The following SHLD2 variants were observed in gnomAD, a reference collection of about 807,000 sequenced individuals.
The protein encoded by SHLD2 is shieldin complex subunit 2, also known as RINN1-REV7-interacting novel NHEJ regulator 2.
In SHLD2, 30 loss-of-function variants were observed where a neutral mutation model predicts 73.2. That is an observed-to-expected ratio of 0.41 (90% CI 0.31 to 0.56). The LOEUF (loss-of-function observed/expected upper bound fraction) is 0.56, where lower values mean the gene tolerates loss of function less well. Ranked by LOEUF, SHLD2 falls within the 20% of genes least tolerant of loss-of-function variation. The pLI is 0.28. For missense variants in SHLD2, 745 were observed against 1,055.9 expected (o/e 0.71, Z 4.08); for synonymous variants, 285 against 370.1 (o/e 0.77, Z 2.64).
rs139763341 is a variant in SHLD2 at position 87,144,417 on chromosome 10, G to C, written c.-5-6933G>C. On this transcript the variant is annotated intron_variant, in intron 2 of 9. Coordinates refer to ENST00000298786, the MANE Select transcript of SHLD2 (RefSeq NM_001330112.2). ...CAAAGGAAATTAAAAGTTATGCAAAGAGAGTTGAGAAGTCAGTTGTCTGCT... is the reference window on the plus strand; with the variant it reads ...CAAAGGAAATTAAAAGTTATGCAAACAGAGTTGAGAAGTCAGTTGTCTGCT... 7.7e-3 allele frequency among the ~76,000 whole-genome samples: 1,166 copies of C among 152,268 alleles called. 16 individuals are homozygous for C. Among genetic ancestry groups the C allele is most frequent in the African/African-American group, 0.027 (1,121 of 41,542 alleles).
chr10:87,188,828 A>G (rs1848807969), intron 9 of SHLD2, among the ~76,000 whole-genome samples: 1 of 152,068 alleles, frequency 6.6e-6, no homozygotes, highest in Non-Finnish European at 1.5e-5. Flanking sequence ...TTTGATATTT[A>G]TTCAATTTTT....
At chr10:87,162,824 C>A (rs1846916541) in intron 4 of SHLD2, among the ~76,000 whole-genome samples, 1 of 152,154 alleles carries the variant, frequency 6.6e-6, no homozygotes, top group Non-Finnish European at 1.5e-5. Flanking sequence ...AAAAAAAGCA[C>A]ATTCTGTTGG....
intron 2 of SHLD2, among the ~76,000 whole-genome samples, chr10:87,134,905 C>T (rs544701633): frequency 6.6e-6 from 1 of 152,232 alleles, no homozygotes; most frequent in East Asian, 1.9e-4. Flanking sequence ...CAGGGCTGCA[C>T]GAGGGCACCT....
At chr10:87,149,154 C>T (rs189718661) in intron 2 of SHLD2, among the ~76,000 whole-genome samples, 3 of 151,788 alleles carry the variant, frequency 2.0e-5, no homozygotes, top group East Asian at 2.0e-4. Context: ...TCTCAAAGTG[C>T]GGGGATTACA....
chr10:87,128,379 C>T (rs1844189493), intron 2 of SHLD2, among the ~76,000 whole-genome samples: 1 of 152,204 alleles, frequency 6.6e-6, no homozygotes, highest in African/African-American at 2.4e-5. Context: ...CCTTCACTTA[C>T]TTTGTCAGTT....
Position 87,180,198 on chromosome 10 carries a change from A to G in SHLD2, c.2294A>G (p.Tyr765Cys), listed in dbSNP as rs1437918621. 1.2e-6 allele frequency: 2 copies of G among 1,612,828 alleles called. No individual in the cohort carries two copies. Among genetic ancestry groups the G allele is most frequent in the South Asian group, 1.1e-5 (1 of 91,042 alleles). ...TTTTCTTCTCTTCCCAACATCGTATATACTGGTTGTGCAAAATGTGGATTG... is the reference window on the plus strand; with the variant it reads ...TTTTCTTCTCTTCCCAACATCGTATGTACTGGTTGTGCAAAATGTGGATTG... ...SIFSSLPNIVYTGCAKCGLEL... is the reference protein window; with the variant it reads ...SIFSSLPNIVCTGCAKCGLEL... The change falls in exon 8 of 10, where the codon TAT (tyrosine) becomes TGT (cysteine). Residue 765 changes from tyrosine (Y) to cysteine (C), a missense_variant. By Grantham distance (194) the Tyr-to-Cys change is radical (BLOSUM62 -2). Coordinates refer to ENST00000298786, the MANE Select transcript of SHLD2 (RefSeq NM_001330112.2).
chr10:87,151,800 A>G lies in SHLD2; in HGVS notation c.446A>G (p.Asp149Gly), dbSNP rs1291870046. 6.2e-7 allele frequency: 1 copy of G among 1,611,846 alleles called. No individual in the cohort carries two copies. The highest frequency in any genetic ancestry group is 1.3e-5 in the African/African-American group (1 of 74,858). Residue 149 changes from aspartate (D) to glycine (G), a missense_variant, in exon 3 of 10, where the codon GAT becomes GGT. Around this residue, in one of 5 missense-constraint regions of SHLD2, gnomAD observed 280 missense variants for 353.9 expected, o/e 0.79. Transcript: ENST00000298786. Reference protein sequence around the residue: ...QKLLSENKIRDEQPKHQPDIC... With the variant: ...QKLLSENKIRGEQPKHQPDIC... ...CTTCTCAGTGAAAATAAAATTAGAG[A>G]TGAACAGCCTAAACATCAGCCAGAT...
At chr10:87,115,028 G>T (rs1843154444) in intron 2 of SHLD2, among the ~76,000 whole-genome samples, 2 of 151,984 alleles carry the variant, frequency 1.3e-5, no homozygotes, top group South Asian at 4.2e-4. Flanking sequence ...GGAAAGATGT[G>T]GACCAGAGTT....
At chr10:87,157,950 G>C (rs1436309544) in intron 3 of SHLD2, 98 bp from the exon 4 acceptor site, 2 of 958,738 alleles carry the variant, frequency 2.1e-6, no homozygotes, top group Admixed American at 4.6e-5. Flanking sequence ...TACTTGCTTG[G>C]TATATGGGAG....
At chr10:87,129,622 G>A (rs1844283284) in intron 2 of SHLD2, among the ~76,000 whole-genome samples, 1 of 152,016 alleles carries the variant, frequency 6.6e-6, no homozygotes, top group Admixed American at 6.6e-5. Flanking sequence ...AGGGCTCTTT[G>A]GAAAAGTATC....
chr10:87,111,640 CAAAA>C (rs972282870), intron 2 of SHLD2, among the ~76,000 whole-genome samples: 1 of 66,864 alleles, frequency 1.5e-5, no homozygotes, highest in African/African-American at 6.1e-5. Context: ...GAGTCTGTCT[CAAAA>C]AAAAAAAAAA....
At chr10:87,178,811 C>G (rs1424633216) in intron 7 of SHLD2, among the ~76,000 whole-genome samples, 1 of 152,192 alleles carries the variant, frequency 6.6e-6, no homozygotes, top group Non-Finnish European at 1.5e-5. Flanking sequence ...TATTCGATCG[C>G]TACACACTCC....
In SHLD2 at chr10:87,095,226, C is replaced by G. The variant is rs949637358; in HGVS notation, c.-84C>G. On this transcript the variant is annotated 5_prime_UTR_variant, in exon 1 of 10. Transcript: ENST00000298786. ...CGGCCGGATTTGCCCGGAGGCCGCA[C>G]CCGCCTCCGGCGGGGCTCTCAGGTA... The G allele has an allele frequency of 6.1e-5, 9 of 148,276 alleles. No individual in the cohort carries two copies. Among genetic ancestry groups the G allele is most frequent in the Admixed American group, 1.3e-4 (2 of 15,016 alleles). The allele number at this position is 148,276 out of a possible 1,614,324, so 9.2% of individuals were successfully genotyped here.
chr10:87,127,534 C>CCCCCCCG (rs1554829061), intron 2 of SHLD2, among the ~76,000 whole-genome samples: 5 of 70,678 alleles, frequency 7.1e-5, no homozygotes, highest in Non-Finnish European at 1.4e-4. Context: ...TACCCGCCCC[C>CCCCCCCG]CCCCACCCCG....
chr10:87,131,482 CAT>C (rs1360067139), intron 2 of SHLD2, among the ~76,000 whole-genome samples: 1 of 152,140 alleles, frequency 6.6e-6, no homozygotes, highest in African/African-American at 2.4e-5. Context: ...CCTTTTGTCA[CAT>C]GTTTTCATTT....
intron 2 of SHLD2, among the ~76,000 whole-genome samples, chr10:87,144,932 T>C (rs1026008956): frequency 7.5e-6 from 1 of 132,688 alleles, no homozygotes; most frequent in Non-Finnish European, 1.6e-5. Context: ...TCCCGGCCTG[T>C]AATTCTTTTT....
intron 2 of SHLD2, among the ~76,000 whole-genome samples, chr10:87,143,597 C>T (rs1589545191): frequency 2.0e-5 from 3 of 152,206 alleles, no homozygotes; most frequent in East Asian, 1.9e-4. Flanking sequence ...AATATTTTAA[C>T]AGGAAAACTG....
intron 4 of SHLD2, among the ~76,000 whole-genome samples, chr10:87,166,354 G>GTAGAA (rs1847201328): frequency 6.7e-6 from 1 of 150,194 alleles, no homozygotes; most frequent in African/African-American, 2.5e-5. Context: ...CATTTCTAGA[G>GTAGAA]TGACTAACAA....
chr10:87,124,516 A>T (rs1432482448), intron 2 of SHLD2, among the ~76,000 whole-genome samples: 2 of 152,164 alleles, frequency 1.3e-5, no homozygotes, highest in African/African-American at 4.8e-5. Flanking sequence ...AGCCTGGGTA[A>T]CAGAATGAGA....
Sources: allele counts gnomAD v4.1 joint callset (sites outside exome capture counted in the v4.1 genomes callset), GRCh38; gene constraint gnomAD v4.1.1; regional missense constraint gnomAD v4.1.1; transcripts MANE v1.5; gene names NCBI Gene and HGNC (gene_info 2026-07-23, HGNC 2026-07-21).